The following SLC25A34 variants were observed in gnomAD, a reference collection of about 807,000 sequenced individuals.
SLC25A34 encodes solute carrier family 25 member 34.
SLC25A34 carries 26 observed loss-of-function variants against 28.1 expected under a neutral mutation model. The ratio of observed to expected loss-of-function variants is 0.93; its 90% CI spans 0.68 to 1.28. SLC25A34 has a LOEUF of 1.28. Among genes scored for constraint, SLC25A34 ranks in the 50% most tolerant of loss-of-function variants. The pLI is 0.00. For missense variants in SLC25A34, 384 were observed against 409.8 expected, an observed-to-expected ratio of 0.94 and a Z score of 0.54; for synonymous variants, 182 against 182.2, an observed-to-expected ratio of 1.00 and a Z score of 0.01.
In SLC25A34 at chr1:15,738,746, TA is replaced by T; in HGVS notation, c.732+19del. ...CTGGCAGGGTGAGCAGGGGCGGGTC[TA>T]GGGGAGACCGTGGGGAGCTGGGAGC... is the stretch of plus-strand genomic sequence containing the variant. On this transcript the variant is annotated intron_variant, in intron 4 of 4. Transcript: ENST00000294454. The T allele has an allele frequency of 6.5e-7, 1 of 1,527,474 alleles. No homozygotes were observed. The highest frequency in any genetic ancestry group is 8.8e-7 in the Non-Finnish European group (1 of 1,140,694). The allele number at this position is 1,527,474 out of a possible 1,614,324, so 94.6% of individuals were successfully genotyped here.
Position 15,740,093 on chromosome 1 carries a change from A to T in SLC25A34, c.*687A>T, listed in dbSNP as rs1306137658. 1 of 152,180 alleles carries T rather than the reference A, an allele frequency of 6.6e-6. No homozygotes were observed. Among genetic ancestry groups the T allele is most frequent in the Non-Finnish European group, 1.5e-5 (1 of 68,048 alleles). 9.4% of individuals were successfully genotyped at this position (152,180 alleles called of 1,614,324 possible). A position where few individuals can be genotyped will look rare whatever the true frequency, so the allele number is the denominator to read the frequency against. On this transcript the variant is annotated 3_prime_UTR_variant, in exon 5 of 5. Coordinates refer to ENST00000294454, the MANE Select transcript of SLC25A34 (RefSeq NM_207348.3). ...ATTTTCTCACAGTTCTGGAGGCTGG[A>T]TGCTGGAGACCAAGGTGTCAGTGGG...
Position 15,739,502 on chromosome 1 carries a change from G to A in SLC25A34, c.*96G>A. On this transcript the variant is annotated 3_prime_UTR_variant, in exon 5 of 5. Transcript: ENST00000294454. ...ACTGGCTGTCCCGGGGCGGGCCATGGGCCCAGGCCCTGCCAGAGGTCCCGG... is the reference window on the plus strand; with the variant it reads ...ACTGGCTGTCCCGGGGCGGGCCATGAGCCCAGGCCCTGCCAGAGGTCCCGG... 1.4e-6 allele frequency: 2 copies of A among 1,401,938 alleles called. No individual in the cohort carries two copies. The highest frequency in any genetic ancestry group is 9.4e-7 in the Non-Finnish European group (1 of 1,063,044). 86.8% of individuals were successfully genotyped at this position (1,401,938 alleles called of 1,614,324 possible).
chr1:15,738,895 C>T, intron 4 of SLC25A34, 167 bp downstream of exon 4: 1 of 898,390 alleles, frequency 1.1e-6, no homozygotes, highest in Non-Finnish European at 1.6e-6. Context: ...TTTGCTGAGC[C>T]CCCGGGTCCC....
chr1:15,736,644 C>T lies in SLC25A34; in HGVS notation c.159C>T (p.Phe53=), dbSNP rs1044892792. The change falls in exon 1 of 5, where the codon TTC becomes TTT. Residue 53 remains phenylalanine (F), a synonymous_variant. Transcript: ENST00000294454. ...CCTACCCACGGCCCTACCATGGCTT[C>T]ATAGCCTCTGTCGCTGCTGTGGCCC... ...RGTYPRPYHG[F]IASVAAVARA... is the part of the protein sequence containing the mutation. 14 of 1,592,118 alleles carry T rather than the reference C, an allele frequency of 8.8e-6. No homozygotes were observed. The highest frequency in any genetic ancestry group is 4.5e-5 in the East Asian group (2 of 44,138).
intron 1 of SLC25A34, 168 bp from the exon 2 acceptor site, chr1:15,737,761 C>A (rs1484907134): frequency 2.9e-6 from 2 of 689,896 alleles, no homozygotes; most frequent in Admixed American, 2.8e-5. Flanking sequence ...CCCAGGCCAA[C>A]CCCAGAGCTG....
Position 15,738,048 on chromosome 1 carries a change from A to G in SLC25A34, c.445-45A>G, listed in dbSNP as rs770955830. 3 of 1,613,564 alleles carry G rather than the reference A, an allele frequency of 1.9e-6. No individual in the cohort carries two copies. In the East Asian group the frequency reaches 6.7e-5, roughly 36 times the overall value. ...GGGGGCATGGATTGGGCATGCTCCC[A>G]GCCTAGGCAGGGGTGGCCAGTGACC... On this transcript the variant is annotated intron_variant, in intron 2 of 4. Transcript: ENST00000294454.
Position 15,736,268 on chromosome 1 carries a change from A to G in SLC25A34, c.-218A>G. 1 of 418,404 alleles carries G rather than the reference A, an allele frequency of 2.4e-6. No homozygotes were observed. Among genetic ancestry groups the G allele is most frequent in the Non-Finnish European group, 4.1e-6 (1 of 246,152 alleles). The allele number at this position is 418,404 out of a possible 1,614,324, so 25.9% of individuals were successfully genotyped here. A position where few individuals can be genotyped will look rare whatever the true frequency, so the allele number is the denominator to read the frequency against. Reference sequence around the variant, plus strand: ...GTCCCAGGCTCCGGCAGACCGCTGGAACAGCTGAGCAGAGCAGGTGGACTG... The same window carrying G: ...GTCCCAGGCTCCGGCAGACCGCTGGGACAGCTGAGCAGAGCAGGTGGACTG... On this transcript the variant is annotated 5_prime_UTR_variant, in exon 1 of 5. Transcript: ENST00000294454.
chr1:15,739,168 T>A (rs954374956), intron 4 of SLC25A34, 56 bp from the exon 5 acceptor site: 4 of 1,578,504 alleles, frequency 2.5e-6, no homozygotes, highest in Non-Finnish European at 3.4e-6. Context: ...CAAGATGTGG[T>A]GCCAGCCAGG....
rs1367997518 is a variant in SLC25A34, at chr1:15,736,766, C to A, written c.281C>A (p.Ala94Glu). 5.0e-6 allele frequency: 8 copies of A among 1,607,062 alleles called. No homozygotes were observed. The South Asian group carries it at 5.5e-5, about 11-fold the overall frequency. The change falls in exon 1 of 5, where the codon GCG becomes GAG. Residue 94 changes from alanine (A) to glutamate (E), a missense_variant. Coordinates refer to ENST00000294454, the MANE Select transcript of SLC25A34 (RefSeq NM_207348.3). ...NGVRFYCYSL[A>E]CQAGLTQQPG... Reference sequence around the variant, plus strand: ...GTTCGTTTCTACTGCTACAGCCTGGCGTGCCAGGCTGGCCTCACGCAGCAA... The same window carrying A: ...GTTCGTTTCTACTGCTACAGCCTGGAGTGCCAGGCTGGCCTCACGCAGCAA...
In SLC25A34 at chr1:15,740,434, C is replaced by A. The variant is rs530217585; in HGVS notation, c.*1028C>A. The A allele has an allele frequency of 6.6e-6, 1 of 151,948 alleles. No individual in the cohort carries two copies. Among genetic ancestry groups the A allele is most frequent in the South Asian group, 2.1e-4 (1 of 4,796 alleles). 9.4% of individuals were successfully genotyped at this position (151,948 alleles called of 1,614,324 possible). On this transcript the variant is annotated 3_prime_UTR_variant, in exon 5 of 5. Transcript: ENST00000294454. ...CTGGGATTACAGGTGTGTGCCACCA[C>A]ACCCGGCCAATTTTTGTATCTTTAG...
intron 3 of SLC25A34, 31 bp from the exon 4 acceptor site, chr1:15,738,563 G>T (rs767881644): frequency 6.3e-7 from 1 of 1,593,936 alleles, no homozygotes; most frequent in Non-Finnish European, 8.5e-7. Flanking sequence ...GAGAGCTGTT[G>T]CAGGGATCAG....
intron 1 of SLC25A34, 51 bp downstream of exon 1, chr1:15,736,914 C>T: frequency 6.9e-7 from 1 of 1,452,398 alleles, no homozygotes; most frequent in Non-Finnish European, 9.0e-7. Context: ...TGACCCAGCT[C>T]CCACAGGGGC....
rs888851540 is a variant in SLC25A34, at chr1:15,736,741, G to A, written c.256G>A (p.Val86Ile). ...GLLYQGLMNG[V>I]RFYCYSLACQ... ...TCTGTACCAAGGCCTCATGAATGGC[G>A]TTCGTTTCTACTGCTACAGCCTGGC... Residue 86 changes from valine (V) to isoleucine (I), a missense_variant, in exon 1 of 5, where the codon GTT becomes ATT. By Grantham distance (29) the Val-to-Ile change is conservative (BLOSUM62 3). Coordinates refer to ENST00000294454, the MANE Select transcript of SLC25A34 (RefSeq NM_207348.3). 74 of 1,608,880 alleles carry A rather than the reference G, an allele frequency of 4.6e-5. No homozygotes were observed. The highest frequency in any genetic ancestry group is 3.3e-4 in the Middle Eastern group (2 of 6,070).
Position 15,738,741 on chromosome 1 carries a change from G to A in SLC25A34, c.732+13G>A, listed in dbSNP as rs773454072. The A allele has an allele frequency of 3.1e-5, 48 of 1,531,364 alleles. No homozygotes were observed. The highest frequency in any genetic ancestry group is 6.9e-5 in the African/African-American group (5 of 72,210). 94.9% of individuals were successfully genotyped at this position (1,531,364 alleles called of 1,614,324 possible). ...CACAGCTGGCAGGGTGAGCAGGGGC[G>A]GGTCTAGGGGAGACCGTGGGGAGCT... On this transcript the variant is annotated intron_variant, in intron 4 of 4. Coordinates refer to ENST00000294454, the MANE Select transcript of SLC25A34 (RefSeq NM_207348.3).
intron 4 of SLC25A34, 89 bp from the exon 5 acceptor site, chr1:15,739,135 G>A: frequency 6.7e-7 from 1 of 1,483,548 alleles, no homozygotes; most frequent in East Asian, 2.3e-5. Context: ...TAGGGTGTGT[G>A]GGGGTGAAAT....
At chr1:15,737,196 G>A (rs2068233075) in intron 1 of SLC25A34, among the ~76,000 whole-genome samples, 1 of 152,128 alleles carries the variant, frequency 6.6e-6, no homozygotes, top group Non-Finnish European at 1.5e-5. Flanking sequence ...TACCCTTGAG[G>A]GCCTCCGCCT....
rs778730364 is a variant in SLC25A34 at position 15,738,599 on chromosome 1, C to T, written c.603C>T (p.Leu201=). 7.3e-5 allele frequency: 118 copies of T among 1,606,696 alleles called. No individual in the cohort carries two copies. The highest frequency in any genetic ancestry group is 4.5e-4 in the Middle Eastern group (2 of 4,476). ...AKAWVQKQQW[L]PEDSWLVALA... ...CACCTGTGCCATCCCCACAGTGGCT[C>T]CCTGAGGACAGCTGGCTGGTGGCCC... is the stretch of plus-strand genomic sequence containing the variant. The change falls in exon 4 of 5, where the codon CTC becomes CTT. Residue 201 remains leucine, a synonymous_variant. Transcript: ENST00000294454.
Position 15,736,625 on chromosome 1 carries a change from C to T in SLC25A34, c.140C>T (p.Pro47Leu), listed in dbSNP as rs1275748864. The part of the protein sequence containing the change: ...QGELQARGTY[P>L]RPYHGFIASV... ...GAGCTGCAGGCCCGGGGCACCTACC[C>T]ACGGCCCTACCATGGCTTCATAGCC... The change falls in exon 1 of 5, where the codon CCA becomes CTA. Residue 47 changes from proline (P) to leucine (L), a missense_variant. Physicochemically the swap from Pro to Leu is moderately conservative, Grantham distance 98. Transcript: ENST00000294454. The T allele has an allele frequency of 1.9e-6, 3 of 1,579,096 alleles. No homozygotes were observed. Among genetic ancestry groups the T allele is most frequent in the Non-Finnish European group, 1.7e-6 (2 of 1,162,892 alleles).
At chr1:15,739,042 A>G (rs1449142638) in intron 4 of SLC25A34, 182 bp from the exon 5 acceptor site, 2 of 757,222 alleles carry the variant, frequency 2.6e-6, no homozygotes, top group Non-Finnish European at 4.1e-6. Flanking sequence ...GGGAGGAGCC[A>G]GAACTGGAAT....
Sources: allele counts gnomAD v4.1 joint callset (sites outside exome capture counted in the v4.1 genomes callset), GRCh38; gene constraint gnomAD v4.1.1; transcripts MANE v1.5; gene names NCBI Gene and HGNC (gene_info 2026-07-23, HGNC 2026-07-21).